The following G3BP2 variants were observed in gnomAD, a reference collection of about 807,000 sequenced individuals.
The protein encoded by G3BP2 is ras GTPase-activating protein-binding protein 2.
In G3BP2, 11 loss-of-function variants were observed where a neutral mutation model predicts 56.7. The ratio of observed to expected loss-of-function variants is 0.19; its 90% CI spans 0.12 to 0.32. The LOEUF (loss-of-function observed/expected upper bound fraction) is 0.32, where lower values mean the gene tolerates loss of function less well. Ranked by LOEUF, G3BP2 falls within the 10% of genes least tolerant of loss-of-function variation. The pLI, the probability that G3BP2 is intolerant of heterozygous loss-of-function variation, is 1.00. For synonymous variants in G3BP2, 165 were observed against 191.6 expected (o/e 0.86, Z 1.15); for missense variants, 340 against 610.9 (o/e 0.56, Z 4.67).
rs1578415879 is a variant in G3BP2 at position 75,673,372 on chromosome 4, G to A, written c.-189C>T. On this transcript the variant is annotated 5_prime_UTR_variant, in exon 1 of 12. Coordinates refer to ENST00000359707, the MANE Select transcript of G3BP2 (RefSeq NM_203505.3). ...GTCTGCCTCACAACCACCTCTTCCC[G>A]GGCGCCAGGCGCTGCGACGTGCGAC... 1.6e-6 allele frequency: 2 copies of A among 1,230,940 alleles called. No individual in the cohort carries two copies. Among genetic ancestry groups the A allele is most frequent in the Non-Finnish European group, 2.0e-6 (2 of 987,816 alleles). The allele number at this position is 1,230,940 out of a possible 1,614,324, so 76.3% of individuals were successfully genotyped here. A position where few individuals can be genotyped will look rare whatever the true frequency, so the allele number is the denominator to read the frequency against.
rs568501239 is a variant in G3BP2, at chr4:75,720,395, C to G, written c.-25+482G>C. ...CGGGCGCCTGTAGTCCCAGCTACTC[C>G]AGAGGCTGAGGCAGGAGAATGGCAT... On this transcript the variant is annotated intron_variant, in intron 3 of 3. Transcript: ENST00000499709. Among the ~76,000 whole-genome samples, 1,420 of 151,002 alleles carry G rather than the reference C, an allele frequency of 9.4e-3. 6 individuals carry two copies. Among genetic ancestry groups the G allele is most frequent in the Admixed American group, 0.02 (305 of 15,106 alleles).
At chr4:75,723,414 A>C (rs899135501) in intron 1 of G3BP2, among the ~76,000 whole-genome samples, 1 of 152,246 alleles carries the variant, frequency 6.6e-6, no homozygotes, top group Non-Finnish European at 1.5e-5. Flanking sequence ...ACTAATTAGG[A>C]GGCTGTTGCT....
At chr4:75,651,502 T>G (rs567258900) in intron 8 of G3BP2, among the ~76,000 whole-genome samples, 1 of 152,218 alleles carries the variant, frequency 6.6e-6, no homozygotes, top group Non-Finnish European at 1.5e-5. Context: ...TGACTTTAAG[T>G]AGATATCTGA....
intron 1 of G3BP2, among the ~76,000 whole-genome samples, chr4:75,666,671 A>T (rs928828404): frequency 6.6e-6 from 1 of 152,256 alleles, no homozygotes; most frequent in Admixed American, 6.5e-5. Flanking sequence ...TAATTCATGC[A>T]GTGTACGTAA....
chr4:75,714,173 T>C (rs148172014), intron 3 of G3BP2, among the ~76,000 whole-genome samples: 2,581 of 152,354 alleles, frequency 0.017, 37 homozygotes, highest in Non-Finnish European at 0.025. Context: ...AATTAGATAA[T>C]GGCAATGTAT....
intron 3 of G3BP2, among the ~76,000 whole-genome samples, chr4:75,720,472 A>G (rs1253996182): frequency 4.8e-5 from 7 of 146,416 alleles, no homozygotes; most frequent in Non-Finnish European, 7.5e-5. Flanking sequence ...ACTGCACTCC[A>G]GCCTGGGCAA....
chr4:75,700,501 A>AGCTCTG (rs1378293134), intron 3 of G3BP2, among the ~76,000 whole-genome samples: 57 of 112,796 alleles, frequency 5.1e-4, no homozygotes, highest in Non-Finnish European at 5.7e-4. Context: ...GCTCACTGCA[A>AGCTCTG]CCTCGTCTTA....
At chr4:75,717,676 T>A (rs571047744) in intron 3 of G3BP2, among the ~76,000 whole-genome samples, 18 of 152,290 alleles carry the variant, frequency 1.2e-4, no homozygotes, top group South Asian at 6.2e-4. Flanking sequence ...AGCTATTGAA[T>A]GGGACAGTAA....
intron 2 of G3BP2, among the ~76,000 whole-genome samples, chr4:75,660,475 T>A (rs1732462243): frequency 6.6e-6 from 1 of 152,136 alleles, no homozygotes; most frequent in Non-Finnish European, 1.5e-5. Flanking sequence ...TACTGAGTGA[T>A]CCTAGATGAA....
intron 1 of G3BP2, among the ~76,000 whole-genome samples, chr4:75,723,510 T>G (rs1374497355): frequency 2.0e-5 from 3 of 152,216 alleles, no homozygotes; most frequent in Non-Finnish European, 4.4e-5. Flanking sequence ...TTGAGAAATA[T>G]TCTATAAATA....
At chr4:75,719,164 C>T (rs1009616237) in intron 3 of G3BP2, among the ~76,000 whole-genome samples, 2 of 151,562 alleles carry the variant, frequency 1.3e-5, no homozygotes, top group East Asian at 3.9e-4. Flanking sequence ...CCGGCTAAAA[C>T]GGTGAAACCC....
At chr4:75,706,677 C>CAAAAAA (rs34804568) in intron 3 of G3BP2, among the ~76,000 whole-genome samples, 1 of 118,882 alleles carries the variant, frequency 8.4e-6, no homozygotes, top group Non-Finnish European at 1.7e-5. Context: ...AACTCTATCT[C>CAAAAAA]AAAAAAAAAA....
chr4:75,674,718 A>ATATATATATATATATATATATTTT (rs1241041465), upstream of G3BP2, among the ~76,000 whole-genome samples: 1 of 71,420 alleles, frequency 1.4e-5, no homozygotes, highest in African/African-American at 5.9e-5. Flanking sequence ...ATATATATAT[A>ATATATATATATATATATATATTTT]TTTTTTTTTT....
At chr4:75,701,458 GCT>G (rs1560419558) in intron 3 of G3BP2, among the ~76,000 whole-genome samples, 9 of 145,194 alleles carry the variant, frequency 6.2e-5, no homozygotes, top group African/African-American at 2.3e-4. Context: ...ATGGAGTTTC[GCT>G]CTTGTTGCCC....
chr4:75,661,887 A>G (rs867911034), intron 2 of G3BP2, 44 bp downstream of exon 2: 6 of 1,002,962 alleles, frequency 6.0e-6, no homozygotes, highest in Middle Eastern at 2.1e-4. Context: ...CATACCCAAG[A>G]AAAAAAGTAG....
chr4:75,683,990 C>A (rs959838558), intron 3 of G3BP2, among the ~76,000 whole-genome samples: 6 of 151,866 alleles, frequency 4.0e-5, no homozygotes, highest in Non-Finnish European at 5.9e-5. Flanking sequence ...CTCTAAGCAA[C>A]AAAGAGCTAT....
At chr4:75,704,145 A>G (rs2149099092) in intron 3 of G3BP2, among the ~76,000 whole-genome samples, 1 of 151,796 alleles carries the variant, frequency 6.6e-6, no homozygotes, top group Admixed American at 6.6e-5. Flanking sequence ...CAGCCTCCCA[A>G]GTAGCTGGGA....
chr4:75,648,653 C>T lies in G3BP2; in HGVS notation c.914G>A (p.Arg305Lys). The T allele has an allele frequency of 6.3e-7, 1 of 1,591,716 alleles. No homozygotes were observed. The highest frequency in any genetic ancestry group is 8.6e-7 in the Non-Finnish European group (1 of 1,159,774). Residue 305 changes from arginine (R) to lysine (K), a missense_variant, in exon 9 of 12, where the codon AGA becomes AAA. Coordinates refer to ENST00000359707, the MANE Select transcript of G3BP2 (RefSeq NM_203505.3). ...AGCTGACTCACCTGGTCTTGGTCCT[C>T]TAGGAGGAAAACCAGGTCGTTCTCT... ...RPRERPGFPP[R>K]GPRPGRGDME...
At chr4:75,646,229 CTA>C in intron 11 of G3BP2, 107 bp downstream of exon 11, 1 of 641,548 alleles carries the variant, frequency 1.6e-6, no homozygotes, top group Non-Finnish European at 2.8e-6. Flanking sequence ...CATTTAATAA[CTA>C]TTTTTAGCTT....
Sources: allele counts gnomAD v4.1 joint callset (sites outside exome capture counted in the v4.1 genomes callset), GRCh38; gene constraint gnomAD v4.1.1; transcripts MANE v1.5; gene names NCBI Gene and HGNC (gene_info 2026-07-23, HGNC 2026-07-21).